Variants in RARS2 observed in about 807,000 individuals in gnomAD.
The protein encoded by RARS2 is probable arginine--tRNA ligase, mitochondrial.
In RARS2, 67 loss-of-function variants were observed where a neutral mutation model predicts 88.5. The observed-to-expected ratio is 0.76, with a 90% CI of 0.62 to 0.93. The LOEUF (loss-of-function observed/expected upper bound fraction) is 0.93, where lower values mean the gene tolerates loss of function less well. Among genes scored for constraint, RARS2 ranks in the 40% least tolerant of loss-of-function variants. The pLI, the probability that RARS2 is intolerant of heterozygous loss-of-function variation, is 0.00. For missense variants in RARS2, 664 were observed against 684.2 expected (o/e 0.97, Z 0.33); for synonymous variants, 239 against 230.3 (o/e 1.04, Z -0.34).
chr6:87,562,652 T>C lies in RARS2; in HGVS notation c.297+50A>G, dbSNP rs761018721. On this transcript the variant is annotated intron_variant, in intron 4 of 19. Coordinates refer to ENST00000369536, the MANE Select transcript of RARS2 (RefSeq NM_020320.5). ...AAAACTGGAGGAAGACCACTGTGGC[T>C]GAAGCAGACAGAATGAAAGCACAAT... The C allele has an allele frequency of 2.1e-5, 29 of 1,399,140 alleles. No homozygotes were observed. In the Admixed American group the frequency reaches 3.9e-4, roughly 19 times the overall value. 86.7% of individuals were successfully genotyped at this position (1,399,140 alleles called of 1,614,324 possible).
rs863224184 is a variant in RARS2, at chr6:87,514,425, T to TA, written c.1724dup (p.Cys576MetfsTer2). The TA allele has an allele frequency of 2.5e-6, 4 of 1,605,310 alleles. No individual in the cohort carries two copies. Among genetic ancestry groups the TA allele is most frequent in the Non-Finnish European group, 3.4e-6 (4 of 1,172,254 alleles). On this transcript the variant is annotated frameshift_variant, in exon 20 of 20. Transcript: ENST00000369536. LOFTEE classifies it high-confidence loss of function. ...ATTTTAATGGAAATTACATCCTACA[T>TA]ACAGGTGTTATTCCAAGAAGTTTCA...
Position 87,515,068 on chromosome 6 carries a change from G to A in RARS2, c.1587-48C>T. On this transcript the variant is annotated intron_variant, in intron 18 of 19. Transcript: ENST00000369536. ...ACGATAGTACCAGCAGTAATTTCCT[G>A]TTGTAAGATATGAGCTTGATATCTA... 2.1e-6 allele frequency: 3 copies of A among 1,426,338 alleles called. No individual in the cohort carries two copies. The South Asian group carries it at 3.4e-5, about 16-fold the overall frequency. The allele number at this position is 1,426,338 out of a possible 1,614,324, so 88.4% of individuals were successfully genotyped here. A position where few individuals can be genotyped will look rare whatever the true frequency, so the allele number is the denominator to read the frequency against.
At chr6:87,566,100 T>G (rs1342980770) in intron 2 of RARS2, among the ~76,000 whole-genome samples, 1 of 152,082 alleles carries the variant, frequency 6.6e-6, no homozygotes, top group East Asian at 1.9e-4. Context: ...TTGCTTGAGC[T>G]CAGGAGTTCA....
intron 8 of RARS2, among the ~76,000 whole-genome samples, chr6:87,536,619 A>G (rs939759903): frequency 6.6e-6 from 1 of 151,148 alleles, no homozygotes; most frequent in East Asian, 1.9e-4. Flanking sequence ...CCTGGGCAAC[A>G]GGGCAAGACC....
chr6:87,520,537 T>C (rs1392011170), intron 12 of RARS2, among the ~76,000 whole-genome samples: 4 of 152,164 alleles, frequency 2.6e-5, no homozygotes, highest in Non-Finnish European at 5.9e-5. Context: ...TCGGCTATTA[T>C]GACCCTGGTC....
chr6:87,545,485 GAA>G (rs67446155), intron 7 of RARS2, 129 bp downstream of exon 7: 16,953 of 952,008 alleles, frequency 0.018, 7 homozygotes, highest in East Asian at 0.022. Flanking sequence ...AGCCATTAGG[GAA>G]AAAAAAAAAA....
chr6:87,520,593 T>C lies in RARS2; in HGVS notation c.1036-337A>G, dbSNP rs1300992613. Reference sequence around the variant, plus strand: ...CTAAATAAATATTTGATGGTAACTTTCTTCTAAGTGGAAAGGAAGGTTTCA... The same window carrying C: ...CTAAATAAATATTTGATGGTAACTTCCTTCTAAGTGGAAAGGAAGGTTTCA... On this transcript the variant is annotated intron_variant, in intron 12 of 19. Coordinates refer to ENST00000369536, the MANE Select transcript of RARS2 (RefSeq NM_020320.5). 3.9e-5 allele frequency among the ~76,000 whole-genome samples: 6 copies of C among 152,170 alleles called. No individual in the cohort carries two copies. In the South Asian group the frequency reaches 1.2e-3, roughly 31 times the overall value.
Position 87,518,183 on chromosome 6 carries a change from A to G in RARS2, c.1497T>C (p.Leu499=). The G allele has an allele frequency of 6.2e-7, 1 of 1,614,194 alleles. No individual in the cohort carries two copies. The highest frequency in any genetic ancestry group is 8.5e-7 in the Non-Finnish European group (1 of 1,180,024). ...CLQEPQSVSI[L]QHLLRFDEVL... ...AAACATCATACCTGAGAAGATGCTG[A>G]AGAATTGAAACAGACTGTGGCTCTT... Residue 499 remains leucine, a synonymous_variant, in exon 17 of 20, where the codon CTT becomes CTC. Coordinates refer to ENST00000369536, the MANE Select transcript of RARS2 (RefSeq NM_020320.5).
Position 87,562,695 on chromosome 6 carries a change from T to G in RARS2, c.297+7A>C. On this transcript the variant is annotated splice_region_variant and intron_variant, in intron 4 of 19. Coordinates refer to ENST00000369536, the MANE Select transcript of RARS2 (RefSeq NM_020320.5). ...AGCACAATGGCTGGATATTAACTTATTCTTACCTTTGTTAAGAGCTCTCTG... is the reference window on the plus strand; with the variant it reads ...AGCACAATGGCTGGATATTAACTTAGTCTTACCTTTGTTAAGAGCTCTCTG... 6.3e-7 allele frequency: 1 copy of G among 1,589,030 alleles called. No individual in the cohort carries two copies. The highest frequency in any genetic ancestry group is 8.6e-7 in the Non-Finnish European group (1 of 1,157,210).
At chr6:87,526,297 C>T (rs542899841) in intron 10 of RARS2, among the ~76,000 whole-genome samples, 2 of 152,316 alleles carry the variant, frequency 1.3e-5, no homozygotes, top group Non-Finnish European at 2.9e-5. Context: ...AAGTGGATCA[C>T]TTGAAGCCAA....
chr6:87,555,927 C>T (rs1785727262), intron 4 of RARS2, among the ~76,000 whole-genome samples: 1 of 152,216 alleles, frequency 6.6e-6, no homozygotes, highest in South Asian at 2.1e-4. Context: ...CATTAACTTA[C>T]TTACTCCTCA....
intron 1 of RARS2, among the ~76,000 whole-genome samples, chr6:87,573,099 A>ACT (rs1306199680): frequency 3.3e-5 from 5 of 152,218 alleles, no homozygotes; most frequent in Non-Finnish European, 5.9e-5. Context: ...CATAACTGAG[A>ACT]CTGGCTAATT....
chr6:87,589,889 C>T (rs1357356160), intron 1 of RARS2, 33 bp downstream of exon 1: 1 of 1,614,092 alleles, frequency 6.2e-7, no homozygotes, highest in Non-Finnish European at 8.5e-7. Flanking sequence ...CCTAGCTCCT[C>T]AGGGACTCCT....
chr6:87,575,520 T>C (rs753226211), intron 1 of RARS2, among the ~76,000 whole-genome samples: 5 of 152,150 alleles, frequency 3.3e-5, no homozygotes, highest in Non-Finnish European at 7.3e-5. Context: ...ACTGGAGCTA[T>C]GTATGTGCTG....
chr6:87,562,484 T>C (rs543688540), intron 4 of RARS2, among the ~76,000 whole-genome samples: 14 of 152,308 alleles, frequency 9.2e-5, no homozygotes, highest in African/African-American at 2.9e-4. Context: ...TATGAGAGCA[T>C]ATAAATGAAG....
At chr6:87,520,071 A>T in intron 13 of RARS2, 109 bp downstream of exon 13, 3 of 928,132 alleles carry the variant, frequency 3.2e-6, no homozygotes, top group Non-Finnish European at 5.3e-6. Flanking sequence ...TTTCCACACC[A>T]GTATCTTGAA....
chr6:87,548,379 C>A (rs924106508), intron 6 of RARS2, among the ~76,000 whole-genome samples: 6 of 152,280 alleles, frequency 3.9e-5, no homozygotes, highest in African/African-American at 1.4e-4. Context: ...AAATTAGTTT[C>A]TCAGTGAATC....
intron 8 of RARS2, among the ~76,000 whole-genome samples, chr6:87,532,438 G>A (rs796807883): frequency 5.3e-5 from 8 of 152,264 alleles, no homozygotes; most frequent in African/African-American, 1.9e-4. Flanking sequence ...TTGGGATTTA[G>A]GACATTCTAA....
In RARS2 at chr6:87,567,572, CTTAA is replaced by C. The variant is rs555130738; in HGVS notation, c.110+1941_110+1944del. On this transcript the variant is annotated intron_variant, in intron 2 of 19. Coordinates refer to ENST00000369536, the MANE Select transcript of RARS2 (RefSeq NM_020320.5). ...AACCATGTTAACAAAAATACTATTT[CTTAA>C]TTCTCCTGGCACTTGTAAGCACTCT... Among the ~76,000 whole-genome samples the C allele has an allele frequency of 6.7e-4, 102 of 152,264 alleles. No homozygotes were observed. The Middle Eastern group carries it at 0.01, about 15-fold the overall frequency.
Sources: gnomAD v4.1 joint callset for allele counts (sites outside exome capture counted in the v4.1 genomes callset) on GRCh38, gnomAD v4.1.1 for gene constraint, MANE v1.5 for transcripts, NCBI Gene and HGNC (gene_info 2026-07-23, HGNC 2026-07-21) for gene names.